Variants in DRC8 observed in about 807,000 individuals in gnomAD.
DRC8 encodes the protein dynein regulatory complex protein 8.
At chr1:245,081,132 TTTTA>T in the DRC8 span, among the ~76,000 whole-genome samples, 2 of 149,330 alleles carry the variant, frequency 1.3e-5, no homozygotes, top group South Asian at 2.1e-4. Context: ...TATTTTATTA[TTTTA>T]TTTATTTTTT....
chr1:245,108,641 A>T, the DRC8 span, among the ~76,000 whole-genome samples: 1 of 152,090 alleles, frequency 6.6e-6, no homozygotes, highest in East Asian at 1.9e-4. Flanking sequence ...CTCCAGCTGA[A>T]TGTTGTGCTG....
the DRC8 span, chr1:245,083,507 G>A: frequency 1.2e-6 from 2 of 1,606,238 alleles, no homozygotes; most frequent in Admixed American, 1.7e-5. Context: ...CAGCTTATAT[G>A]CATATACATA....
the DRC8 span, among the ~76,000 whole-genome samples, chr1:245,108,882 C>T: frequency 2.0e-5 from 3 of 152,166 alleles, no homozygotes; most frequent in Non-Finnish European, 4.4e-5. Context: ...CATTATTCCT[C>T]TGCTTTTAGA....
At chr1:245,066,724 GGT>G in the DRC8 span, among the ~76,000 whole-genome samples, 2 of 152,174 alleles carry the variant, frequency 1.3e-5, no homozygotes, top group East Asian at 3.9e-4. Context: ...TGGCTAACAT[GGT>G]GAAACCCCAT....
the DRC8 span, among the ~76,000 whole-genome samples, chr1:244,980,232 A>AC: frequency 6.6e-6 from 1 of 150,852 alleles, no homozygotes; most frequent in African/African-American, 2.4e-5. Flanking sequence ...AAAAAAAAAA[A>AC]AAAAGTTTTT....
the DRC8 span, among the ~76,000 whole-genome samples, chr1:245,075,901 G>A: frequency 6.6e-6 from 1 of 152,090 alleles, no homozygotes; most frequent in African/African-American, 2.4e-5. Flanking sequence ...TGTTACTCTC[G>A]CCTTTTTTTC....
chr1:245,089,506 G>A, the DRC8 span, among the ~76,000 whole-genome samples: 10 of 151,992 alleles, frequency 6.6e-5, no homozygotes, highest in Admixed American at 1.3e-4. The surrounding 1 kb of genome is among the most constrained non-coding windows in gnomAD (Gnocchi z 4.8). Context: ...TGCCAAGATC[G>A]GAGAGAATTG....
the DRC8 span, among the ~76,000 whole-genome samples, chr1:245,021,251 A>G: frequency 1.3e-5 from 2 of 152,226 alleles, no homozygotes; most frequent in Non-Finnish European, 2.9e-5. Flanking sequence ...AACTCACACA[A>G]ACATAGACGC....
At chr1:245,074,527 C>T in the DRC8 span, among the ~76,000 whole-genome samples, 1 of 152,170 alleles carries the variant, frequency 6.6e-6, no homozygotes, top group East Asian at 1.9e-4. Context: ...TCCCCCATCT[C>T]TTCAAATTGG....
At chr1:245,107,624 C>G in the DRC8 span, among the ~76,000 whole-genome samples, 7 of 152,206 alleles carry the variant, frequency 4.6e-5, no homozygotes, top group Non-Finnish European at 1.0e-4. Flanking sequence ...TCTGACGCAG[C>G]CTCCCAGGGC....
chr1:245,097,158 T>C, the DRC8 span, among the ~76,000 whole-genome samples: 1 of 152,028 alleles, frequency 6.6e-6, no homozygotes, highest in Admixed American at 6.5e-5. This position sits in a 1 kb window ranked among gnomAD's most constrained non-coding sequence, Gnocchi z 5.0. Context: ...ATGGAAAGGG[T>C]GTACATGTCA....
chr1:245,060,673 A>G, the DRC8 span, among the ~76,000 whole-genome samples: 2 of 152,260 alleles, frequency 1.3e-5, no homozygotes, highest in African/African-American at 2.4e-5. Flanking sequence ...GGAAGTGTGG[A>G]AGAGGTAAGA....
the DRC8 span, among the ~76,000 whole-genome samples, chr1:245,063,419 G>A: frequency 2.0e-5 from 3 of 152,160 alleles, no homozygotes; most frequent in African/African-American, 4.8e-5. Flanking sequence ...TAGTTCAGGA[G>A]CCAATTCCTA....
At chr1:245,069,201 G>A in the DRC8 span, among the ~76,000 whole-genome samples, 3 of 152,082 alleles carry the variant, frequency 2.0e-5, no homozygotes, top group African/African-American at 7.2e-5. Flanking sequence ...ACCATTGACT[G>A]GAAGCCATAT....
chr1:245,042,179 C>T, the DRC8 span, among the ~76,000 whole-genome samples: 1 of 152,224 alleles, frequency 6.6e-6, no homozygotes, highest in East Asian at 1.9e-4. Context: ...GTGCCTGCGC[C>T]ATGGCACATG....
the DRC8 span, among the ~76,000 whole-genome samples, chr1:245,105,270 A>G: frequency 3.9e-5 from 6 of 152,244 alleles, no homozygotes; most frequent in South Asian, 1.0e-3. Context: ...TCTAGGCTGT[A>G]TGAAGCTCTC....
the DRC8 span, among the ~76,000 whole-genome samples, chr1:245,065,996 G>A: frequency 1.3e-5 from 2 of 151,574 alleles, no homozygotes; most frequent in East Asian, 3.9e-4. Context: ...TTAGTTCCTG[G>A]TCCCTCATCC....
At chr1:245,069,485 T>C in the DRC8 span, among the ~76,000 whole-genome samples, 1 of 152,000 alleles carries the variant, frequency 6.6e-6, no homozygotes, top group Non-Finnish European at 1.5e-5. Context: ...CATGGAGAAG[T>C]GGACCCATGG....
the DRC8 span, among the ~76,000 whole-genome samples, chr1:245,042,402 T>G: frequency 6.6e-6 from 1 of 152,248 alleles, no homozygotes; most frequent in Non-Finnish European, 1.5e-5. Context: ...ATCTCTTGAT[T>G]AGAGGGACCT....
Sources: allele counts gnomAD v4.1 joint callset (sites outside exome capture counted in the v4.1 genomes callset), GRCh38; gene constraint gnomAD v4.1.1; non-coding constraint Gnocchi (gnomAD v3.1); transcripts MANE v1.5; gene names NCBI Gene and HGNC (gene_info 2026-07-23, HGNC 2026-07-21).